DLG2: variants seen among roughly 807,000 people sequenced by gnomAD.
The protein encoded by DLG2 is disks large homolog 2.
DLG2 carries 45 observed loss-of-function variants against 132.5 expected under a neutral mutation model. The observed-to-expected ratio is 0.34, with a 90% CI of 0.27 to 0.44. The LOEUF (loss-of-function observed/expected upper bound fraction) is 0.44. DLG2 is among the 20% of genes least tolerant of loss of function. The pLI is 1.00. For missense variants in DLG2, 1,045 were observed against 1,196.9 expected, an observed-to-expected ratio of 0.87 and a Z score of 1.87; for synonymous variants, 424 against 419.6, an observed-to-expected ratio of 1.01 and a Z score of -0.13.
rs58403580 is a variant in DLG2 at position 84,861,257 on chromosome 11, T to C, written c.357+250404A>G. ...GAGGAAAAAGAAAGGGGGATAAGCA[T>C]GTGAAGAAAAATCTTGGTTTGTTCA... is the stretch of plus-strand genomic sequence containing the variant. On this transcript the variant is annotated intron_variant, in intron 6 of 27. Transcript: ENST00000376104. 1.9e-4 allele frequency among the ~76,000 whole-genome samples: 29 copies of C among 152,156 alleles called. No individual in the cohort carries two copies. The East Asian group carries it at 5.6e-3, about 29-fold the overall frequency.
intron 19 of DLG2, among the ~76,000 whole-genome samples, chr11:83,558,762 T>G (rs2096561908): frequency 6.6e-6 from 1 of 152,062 alleles, no homozygotes; most frequent in East Asian, 1.9e-4. Flanking sequence ...ACTGACTAAT[T>G]AAAGCTTCTA....
chr11:84,696,572 G>A (rs1459560801), intron 6 of DLG2, among the ~76,000 whole-genome samples: 2 of 151,378 alleles, frequency 1.3e-5, no homozygotes, highest in Non-Finnish European at 3.0e-5. Flanking sequence ...GGAGCAAGGA[G>A]GTGAGTGGTG....
chr11:83,846,529 C>T (rs979409130), intron 16 of DLG2, among the ~76,000 whole-genome samples: 1 of 152,184 alleles, frequency 6.6e-6, no homozygotes, highest in Non-Finnish European at 1.5e-5. Context: ...GACACTTCTG[C>T]TGCAAAGTGA....
At chr11:84,508,590 G>A (rs553732308) in intron 7 of DLG2, among the ~76,000 whole-genome samples, 3 of 151,934 alleles carry the variant, frequency 2.0e-5, no homozygotes, top group Non-Finnish European at 4.4e-5. Context: ...AGTAGAGACA[G>A]GGTTTCACCG....
At chr11:84,630,596 TGTTA>T (rs1565501126) in intron 6 of DLG2, among the ~76,000 whole-genome samples, 1 of 152,212 alleles carries the variant, frequency 6.6e-6, no homozygotes, top group Non-Finnish European at 1.5e-5. Context: ...ACTGATAGTA[TGTTA>T]GTCTTTAATG....
intron 14 of DLG2, among the ~76,000 whole-genome samples, chr11:83,934,600 G>T (rs2081051057): frequency 6.6e-6 from 1 of 151,762 alleles, no homozygotes; most frequent in African/African-American, 2.4e-5. Flanking sequence ...AAGGTCAAAG[G>T]AATATGACTC....
intron 11 of DLG2, among the ~76,000 whole-genome samples, chr11:84,006,265 T>G (rs2094567167): frequency 6.6e-6 from 1 of 151,628 alleles, no homozygotes; most frequent in Non-Finnish European, 1.5e-5. Context: ...ATGTGGGAGC[T>G]AAAAAGTTGG....
chr11:83,788,443 C>T (rs1406762308), intron 17 of DLG2, among the ~76,000 whole-genome samples: 1 of 152,158 alleles, frequency 6.6e-6, no homozygotes, highest in Non-Finnish European at 1.5e-5. Flanking sequence ...GTCATACTAC[C>T]TGAGACTCAA....
intron 6 of DLG2, among the ~76,000 whole-genome samples, chr11:84,834,914 AT>A (rs1186017703): frequency 2.0e-5 from 3 of 151,404 alleles, no homozygotes; most frequent in East Asian, 2.0e-4. Flanking sequence ...AAAAAAAAAA[AT>A]TTTTGGGAAA....
chr11:83,812,978 T>C (rs2047753254), intron 17 of DLG2, among the ~76,000 whole-genome samples: 2 of 152,306 alleles, frequency 1.3e-5, no homozygotes, highest in African/African-American at 4.8e-5. Flanking sequence ...GCAGGACCAC[T>C]TGCTTTGTGT....
chr11:84,937,346 G>A (rs1409025754), intron 6 of DLG2, among the ~76,000 whole-genome samples: 1 of 149,204 alleles, frequency 6.7e-6, no homozygotes, highest in Non-Finnish European at 1.5e-5. Flanking sequence ...AGAAACTGAG[G>A]CCACTGGGGT....
chr11:85,592,742 G>C (rs1008558536), intron 3 of DLG2, among the ~76,000 whole-genome samples: 5 of 152,076 alleles, frequency 3.3e-5, no homozygotes, highest in Admixed American at 2.6e-4. Context: ...CTTGAGCCCA[G>C]GAGTTCAACA....
intron 6 of DLG2, among the ~76,000 whole-genome samples, chr11:84,834,786 G>A (rs2079507221): frequency 1.0e-5 from 1 of 98,296 alleles, no homozygotes; most frequent in African/African-American, 3.5e-5. Context: ...AAGAATTTTA[G>A]TCTTTTCTCA....
intron 8 of DLG2, among the ~76,000 whole-genome samples, chr11:84,222,851 A>G (rs1457188353): frequency 2.6e-5 from 4 of 152,234 alleles, no homozygotes; most frequent in African/African-American, 9.6e-5. Flanking sequence ...CAGATCACCA[A>G]TTTGGTAAAA....
At chr11:84,852,821 T>C (rs2154023316) in intron 6 of DLG2, among the ~76,000 whole-genome samples, 1 of 152,004 alleles carries the variant, frequency 6.6e-6, no homozygotes, top group East Asian at 1.9e-4. Context: ...AGGAGAACAG[T>C]TTAATCTTCA....
intron 6 of DLG2, among the ~76,000 whole-genome samples, chr11:84,697,710 C>T (rs1390866907): frequency 6.6e-6 from 1 of 151,300 alleles, no homozygotes; most frequent in Non-Finnish European, 1.5e-5. Flanking sequence ...TTTATTTTTC[C>T]AAAATCATTT....
chr11:84,564,708 G>C (rs1230881221), intron 6 of DLG2, among the ~76,000 whole-genome samples: 1 of 152,146 alleles, frequency 6.6e-6, no homozygotes, highest in Non-Finnish European at 1.5e-5. Context: ...AATGGTTTGG[G>C]TTAAATATTA....
At chr11:85,349,941 T>A (rs1246224003) in intron 3 of DLG2, among the ~76,000 whole-genome samples, 2 of 151,704 alleles carry the variant, frequency 1.3e-5, no homozygotes, top group South Asian at 4.1e-4. Context: ...ATGGGATTGC[T>A]AGGTCAAATG....
intron 17 of DLG2, among the ~76,000 whole-genome samples, chr11:83,796,345 C>T (rs1029460307): frequency 6.6e-6 from 1 of 152,202 alleles, no homozygotes; most frequent in African/African-American, 2.4e-5. Flanking sequence ...TTGAATCTTT[C>T]TTTCCACCTC....
Sources: allele counts gnomAD v4.1 joint callset (sites outside exome capture counted in the v4.1 genomes callset), GRCh38; gene constraint gnomAD v4.1.1; transcripts MANE v1.5; gene names NCBI Gene and HGNC (gene_info 2026-07-23, HGNC 2026-07-21).